The following BAIAP2L1 variants were observed in gnomAD, a reference collection of about 807,000 sequenced individuals.
The protein encoded by BAIAP2L1 is BAR/IMD domain-containing adapter protein 2-like 1.
In BAIAP2L1, 35 loss-of-function variants were observed where a neutral mutation model predicts 66.3. The ratio of observed to expected loss-of-function variants is 0.53; its 90% CI spans 0.40 to 0.70. BAIAP2L1 has a LOEUF of 0.70. BAIAP2L1 is among the 30% of genes least tolerant of loss of function. BAIAP2L1 has a pLI of 0.00. For synonymous variants in BAIAP2L1, 269 were observed against 248.7 expected, an observed-to-expected ratio of 1.08 and a Z score of -0.77; for missense variants, 622 against 656.9, an observed-to-expected ratio of 0.95 and a Z score of 0.58.
intron 12 of BAIAP2L1, among the ~76,000 whole-genome samples, chr7:98,302,728 A>G (rs1800480155): frequency 6.6e-6 from 1 of 152,240 alleles, no homozygotes; most frequent in Admixed American, 6.5e-5. Flanking sequence ...CACGAGCCCT[A>G]TCCACCAATT....
chr7:98,364,029 T>TA (rs397787854), intron 1 of BAIAP2L1, among the ~76,000 whole-genome samples: 117 of 152,010 alleles, frequency 7.7e-4, no homozygotes, highest in Non-Finnish European at 1.5e-3. Context: ...TTTTTTTTTT[T>TA]AAATATTCTT....
At chr7:98,297,542 C>T (rs1487975875) in intron 12 of BAIAP2L1, among the ~76,000 whole-genome samples, 3 of 152,152 alleles carry the variant, frequency 2.0e-5, no homozygotes, top group East Asian at 1.9e-4. Flanking sequence ...GCCAGTTACT[C>T]GCAACAAAAG....
At chr7:98,294,280 G>A (rs934298543) in intron 12 of BAIAP2L1, among the ~76,000 whole-genome samples, 169 bp from the exon 13 acceptor site, 23 of 152,176 alleles carry the variant, frequency 1.5e-4, no homozygotes, top group African/African-American at 4.6e-4. Context: ...GGTGTGAGCC[G>A]CTGCGACTGG....
chr7:98,353,016 C>T (rs754781569), intron 3 of BAIAP2L1, among the ~76,000 whole-genome samples: 1 of 151,992 alleles, frequency 6.6e-6, no homozygotes, highest in Non-Finnish European at 1.5e-5. Flanking sequence ...CAACGACTCC[C>T]CCAAATATCC....
chr7:98,391,595 C>A (rs996859619), intron 1 of BAIAP2L1, among the ~76,000 whole-genome samples: 8 of 151,844 alleles, frequency 5.3e-5, no homozygotes, highest in Admixed American at 3.9e-4. Context: ...ACCTGTAGTC[C>A]CAGTTACTCG....
rs1331154706 is a variant in BAIAP2L1, at chr7:98,367,932, T to A, written c.52-5500A>T. The stretch of plus-strand genomic sequence containing the variant: ...AGCCACCACGCTTGGCCGGGTTTCA[T>A]CATTTCTATGAAATTTTATCATACA... On this transcript the variant is annotated intron_variant, in intron 1 of 13. Transcript: ENST00000005260. 2.0e-5 allele frequency among the ~76,000 whole-genome samples: 3 copies of A among 151,900 alleles called. No individual in the cohort carries two copies. The East Asian group carries it at 5.8e-4, about 30-fold the overall frequency.
At chr7:98,323,962 T>C (rs930702343) in intron 3 of BAIAP2L1, among the ~76,000 whole-genome samples, 2 of 152,188 alleles carry the variant, frequency 1.3e-5, no homozygotes, top group African/African-American at 2.4e-5. Flanking sequence ...CGATGCCACA[T>C]TGGTTTGTTT....
At position 98,304,353 on chromosome 7, in the gene BAIAP2L1, C is replaced by T. The variant is rs76206450; in HGVS notation, c.1265G>A (p.Ser422Asn). The T allele has an allele frequency of 6.2e-7, 1 of 1,613,584 alleles. No homozygotes were observed. Among genetic ancestry groups the T allele is most frequent in the African/African-American group, 1.3e-5 (1 of 75,022 alleles). The change falls in exon 12 of 14, where the codon AGC becomes AAC. Residue 422 changes from serine (S) to asparagine (N), a missense_variant. Ser to Asn is a conservative substitution (Grantham distance 46). Transcript: ENST00000005260. ...TPSPTPVRSI[S>N]TVNLSENSSV... ...GCTATTCTCAGACAAGTTCACGGTG[C>T]TGATGCTTCTCACTGGTGTGGGGCT...
In BAIAP2L1 at chr7:98,304,281, C is replaced by A; in HGVS notation, c.1337G>T (p.Gly446Val). Residue 446 changes from glycine to valine, a missense_variant, in exon 12 of 14, where the codon GGG becomes GTG. Physicochemically the swap from Gly to Val is moderately radical, Grantham distance 109 (BLOSUM62 -3). Coordinates refer to ENST00000005260, the MANE Select transcript of BAIAP2L1 (RefSeq NM_018842.5). ...ATCTGCTCTCCTGTCGGCAGCTGCC[C>A]CCATGGACAAGCATTCCAAGTAGTC... is the stretch of plus-strand genomic sequence containing the variant. ...PPDYLECLSMGAAADRRADSA... is the reference protein window; with the variant it reads ...PPDYLECLSMVAAADRRADSA... The A allele has an allele frequency of 6.2e-7, 1 of 1,613,552 alleles. No homozygotes were observed. Among genetic ancestry groups the A allele is most frequent in the East Asian group, 2.2e-5 (1 of 44,844 alleles).
chr7:98,367,044 G>A (rs1426650969), intron 1 of BAIAP2L1, among the ~76,000 whole-genome samples: 2 of 148,654 alleles, frequency 1.3e-5, no homozygotes, highest in Admixed American at 6.9e-5. Context: ...GTGCCACCAT[G>A]CCCAGGTAAT....
chr7:98,378,318 G>C (rs557230124), intron 1 of BAIAP2L1, among the ~76,000 whole-genome samples: 6 of 152,306 alleles, frequency 3.9e-5, no homozygotes, highest in African/African-American at 1.4e-4. Context: ...CATCATAAGT[G>C]AATGTCATCA....
intron 1 of BAIAP2L1, among the ~76,000 whole-genome samples, chr7:98,393,665 T>C (rs1313045528): frequency 3.3e-5 from 5 of 150,926 alleles, no homozygotes; most frequent in Admixed American, 6.6e-5. Context: ...GCCTGGATAA[T>C]TTTTTGTATT....
intron 3 of BAIAP2L1, among the ~76,000 whole-genome samples, chr7:98,330,606 G>A (rs182087641): frequency 6.6e-6 from 1 of 151,574 alleles, no homozygotes; most frequent in East Asian, 2.0e-4. Flanking sequence ...GCAGTGAGCC[G>A]AGATCACACC....
intron 3 of BAIAP2L1, among the ~76,000 whole-genome samples, chr7:98,344,244 C>A (rs116009064): frequency 0.013 from 1,907 of 152,234 alleles, 38 homozygotes; most frequent in African/African-American, 0.044. Context: ...TTGCTCACCC[C>A]TGCAGTTAAG....
intron 1 of BAIAP2L1, among the ~76,000 whole-genome samples, chr7:98,373,878 G>A (rs1036495805): frequency 2.0e-5 from 3 of 152,218 alleles, no homozygotes; most frequent in African/African-American, 7.2e-5. Flanking sequence ...GGGAGATCAT[G>A]AACACAGAAC....
At chr7:98,357,671 CTATTA>C (rs931478906) in intron 2 of BAIAP2L1, among the ~76,000 whole-genome samples, 2 of 151,546 alleles carry the variant, frequency 1.3e-5, no homozygotes, top group African/African-American at 4.9e-5. Context: ...ATCTACTGCA[CTATTA>C]TAAGACTCAG....
At position 98,328,246 on chromosome 7, in the gene BAIAP2L1, G is replaced by A. The variant is rs373535535; in HGVS notation, c.215-7948C>T. ...AGGCCGGAGAAGGGCCAGGCACCACGAAAGGGAAAAGACTGGACGCAGCTT... is the reference window on the plus strand; with the variant it reads ...AGGCCGGAGAAGGGCCAGGCACCACAAAAGGGAAAAGACTGGACGCAGCTT... On this transcript the variant is annotated intron_variant, in intron 3 of 13. Coordinates refer to ENST00000005260, the MANE Select transcript of BAIAP2L1 (RefSeq NM_018842.5). Among the ~76,000 whole-genome samples the A allele has an allele frequency of 1.0e-3, 158 of 152,280 alleles. 2 individuals carry two copies. The South Asian group carries it at 0.031, about 30-fold the overall frequency.
intron 3 of BAIAP2L1, among the ~76,000 whole-genome samples, chr7:98,324,149 T>TC (rs1320867743): frequency 1.3e-5 from 2 of 152,180 alleles, no homozygotes; most frequent in East Asian, 3.8e-4. Flanking sequence ...GCTTCCTTTT[T>TC]CCCCCGGTTA....
intron 1 of BAIAP2L1, among the ~76,000 whole-genome samples, chr7:98,391,574 T>C (rs1017364676): frequency 6.6e-6 from 1 of 151,938 alleles, no homozygotes; most frequent in African/African-American, 2.4e-5. Flanking sequence ...TAGCCGGGCA[T>C]GGTGGCGGGC....
Sources: allele counts gnomAD v4.1 joint callset (sites outside exome capture counted in the v4.1 genomes callset), GRCh38; gene constraint gnomAD v4.1.1; transcripts MANE v1.5; gene names NCBI Gene and HGNC (gene_info 2026-07-23, HGNC 2026-07-21).